The following SPATA13 variants were observed in gnomAD, a reference collection of about 807,000 sequenced individuals.
The protein encoded by SPATA13 is spermatogenesis associated 13.
SPATA13 carries 50 observed loss-of-function variants against 104.0 expected under a neutral mutation model. The ratio of observed to expected loss-of-function variants is 0.48; its 90% CI spans 0.38 to 0.61. The LOEUF (loss-of-function observed/expected upper bound fraction) is 0.61, where lower values mean the gene tolerates loss of function less well. Ranked by LOEUF, SPATA13 falls within the 20% of genes least tolerant of loss-of-function variation. SPATA13 has a pLI of 0.00. For missense variants in SPATA13, 1,524 were observed against 1,690.6 expected, an observed-to-expected ratio of 0.90 and a Z score of 1.73; for synonymous variants, 606 against 667.5, an observed-to-expected ratio of 0.91 and a Z score of 1.42.
At chr13:24,045,647 C>A (rs900707847) in intron 3 of SPATA13, among the ~76,000 whole-genome samples, 3 of 152,126 alleles carry the variant, frequency 2.0e-5, no homozygotes, top group Non-Finnish European at 4.4e-5. Flanking sequence ...CAAGGGAAGT[C>A]GAGAAGTTCA....
chr13:24,277,253 G>C (rs925998770), intron 4 of SPATA13, among the ~76,000 whole-genome samples: 22 of 151,960 alleles, frequency 1.4e-4, no homozygotes, highest in African/African-American at 5.1e-4. Context: ...GACCATCCTG[G>C]CTAACATGGT....
chr13:24,300,566 C>T, intron 12 of SPATA13, 91 bp downstream of exon 12: 3 of 1,186,082 alleles, frequency 2.5e-6, no homozygotes, highest in Non-Finnish European at 3.7e-6. Context: ...CTGTGACCAG[C>T]TTGGAGCAAG....
In SPATA13 at chr13:24,051,976, A is replaced by G. The variant is rs1439519351; in HGVS notation, c.-112+34275A>G. On this transcript the variant is annotated intron_variant, in intron 3 of 14. Transcript: ENST00000424834. The surrounding 1 kb of genome is among the most constrained non-coding windows in gnomAD (Gnocchi z 4.2). ...GTCCTGGCTCTGGTCCTCCCACCTCATCTGTGCACCTTGCCAGTCCTTTGG... is the reference window on the plus strand; with the variant it reads ...GTCCTGGCTCTGGTCCTCCCACCTCGTCTGTGCACCTTGCCAGTCCTTTGG... 2.6e-5 allele frequency among the ~76,000 whole-genome samples: 4 copies of G among 152,048 alleles called. No individual in the cohort carries two copies. Among genetic ancestry groups the G allele is most frequent in the African/African-American group, 9.7e-5 (4 of 41,402 alleles).
intron 2 of SPATA13, among the ~76,000 whole-genome samples, chr13:23,988,528 T>C (rs1451414626): frequency 2.0e-5 from 3 of 152,256 alleles, no homozygotes; most frequent in Admixed American, 2.0e-4. Context: ...ATTATTGATA[T>C]TGATTTGCTG....
At position 24,288,058 on chromosome 13, in the gene SPATA13, G is replaced by A. The variant is rs182149041; in HGVS notation, c.2668-941G>A. ...ATCTCGTTCTGTATGAGTGTGTGGC[G>A]AAAGAAGCAGGTCTGCAGTGCCATT... On this transcript the variant is annotated intron_variant, in intron 7 of 12. Coordinates refer to ENST00000382108, the MANE Select transcript of SPATA13 (RefSeq NM_001166271.3). Among the ~76,000 whole-genome samples, 107 of 152,326 alleles carry A rather than the reference G, an allele frequency of 7.0e-4. No homozygotes were observed. In the East Asian group the frequency reaches 9.1e-3, roughly 13 times the overall value.
At chr13:24,212,541 T>C (rs1871084063) in intron 1 of SPATA13, among the ~76,000 whole-genome samples, 1 of 152,168 alleles carries the variant, frequency 6.6e-6, no homozygotes, top group Admixed American at 6.5e-5. Flanking sequence ...AGAAGAACTA[T>C]TGGGACTTAG....
chr13:24,259,879 G>C (rs1873973682), intron 4 of SPATA13, among the ~76,000 whole-genome samples: 1 of 152,078 alleles, frequency 6.6e-6, no homozygotes, highest in Admixed American at 6.5e-5. Context: ...TCAAACTCCT[G>C]GCCTCCCACC....
At chr13:23,992,173 A>T (rs1212857883) in intron 2 of SPATA13, among the ~76,000 whole-genome samples, 3 of 152,084 alleles carry the variant, frequency 2.0e-5, no homozygotes, top group Non-Finnish European at 2.9e-5. Flanking sequence ...GAAAGTGGAG[A>T]ACTGCAGTCC....
intron 2 of SPATA13, 91 bp from the exon 3 acceptor site, chr13:24,249,386 C>G: frequency 7.1e-7 from 1 of 1,414,112 alleles, no homozygotes; most frequent in South Asian, 1.5e-5. Flanking sequence ...ACCCGAGGCA[C>G]GGCTGTGGTG....
intron 1 of SPATA13, among the ~76,000 whole-genome samples, chr13:24,190,865 TCTG>T (rs1282981881): frequency 1.3e-5 from 2 of 152,174 alleles, no homozygotes; most frequent in Non-Finnish European, 2.9e-5. Flanking sequence ...TTTTGAAGGT[TCTG>T]CTGTGGGTAA....
chr13:24,086,957 C>T (rs1879746063), intron 3 of SPATA13, among the ~76,000 whole-genome samples: 1 of 152,182 alleles, frequency 6.6e-6, no homozygotes, highest in South Asian at 2.1e-4. Context: ...CTAATCTGGG[C>T]TAAGAAGTGA....
At chr13:24,036,772 C>T (rs954355512) in intron 3 of SPATA13, among the ~76,000 whole-genome samples, 1 of 152,088 alleles carries the variant, frequency 6.6e-6, no homozygotes, top group South Asian at 2.1e-4. Context: ...ACGTTATTGT[C>T]GGTACCACTC....
chr13:24,065,868 T>C (rs942109), intron 3 of SPATA13, among the ~76,000 whole-genome samples: 136,512 of 152,266 alleles, frequency 0.9, 61,805 homozygotes, highest in South Asian at 0.98. Flanking sequence ...GAAGTCCAAA[T>C]ACTTGGGTTT....
chr13:24,168,665 A>G (rs1882840692), intron 1 of SPATA13, among the ~76,000 whole-genome samples: 2 of 152,208 alleles, frequency 1.3e-5, no homozygotes, highest in Non-Finnish European at 2.9e-5. Context: ...GTTTAGAAAT[A>G]CAGGCCTTCA....
intron 3 of SPATA13, among the ~76,000 whole-genome samples, chr13:24,033,082 C>G (rs1040945326): frequency 6.6e-6 from 1 of 152,136 alleles, no homozygotes; most frequent in African/African-American, 2.4e-5. Context: ...AGATCTGTCT[C>G]TCAGAGGCCT....
At chr13:24,249,281 A>G (rs1326507402) in intron 2 of SPATA13, among the ~76,000 whole-genome samples, 196 bp from the exon 3 acceptor site, 3 of 152,250 alleles carry the variant, frequency 2.0e-5, no homozygotes, top group Non-Finnish European at 4.4e-5. Flanking sequence ...GAATCAGCCT[A>G]TAAGAATAGA....
At chr13:24,146,932 AT>A (rs201482584) in intron 3 of SPATA13, among the ~76,000 whole-genome samples, 2 of 143,348 alleles carry the variant, frequency 1.4e-5, no homozygotes, top group African/African-American at 2.6e-5. Context: ...TTCAGGCATG[AT>A]TTTTTTTTCC....
chr13:24,304,780 G>A lies in SPATA13; in HGVS notation c.*2007G>A, dbSNP rs1002245090. ...GCTTCTGTGGACCATCATGCCGCTCGGCACGTCCTGAGACAGAAGTTGCTG... is the reference window on the plus strand; with the variant it reads ...GCTTCTGTGGACCATCATGCCGCTCAGCACGTCCTGAGACAGAAGTTGCTG... On this transcript the variant is annotated 3_prime_UTR_variant, in exon 13 of 13. Coordinates refer to ENST00000382108, the MANE Select transcript of SPATA13 (RefSeq NM_001166271.3). The A allele has an allele frequency of 4.6e-5, 7 of 152,250 alleles. No homozygotes were observed. Among genetic ancestry groups the A allele is most frequent in the African/African-American group, 1.4e-4 (6 of 41,458 alleles). The allele number at this position is 152,250 out of a possible 1,614,324, so 9.4% of individuals were successfully genotyped here. A position where few individuals can be genotyped will look rare whatever the true frequency, so the allele number is the denominator to read the frequency against.
At chr13:24,254,740 G>A (rs966632721) in intron 4 of SPATA13, among the ~76,000 whole-genome samples, 1 of 152,190 alleles carries the variant, frequency 6.6e-6, no homozygotes. Context: ...CTTTGTTGAG[G>A]GGAAGGCCCA....
Sources: gnomAD v4.1 joint callset for allele counts (sites outside exome capture counted in the v4.1 genomes callset) on GRCh38, gnomAD v4.1.1 for gene constraint, Gnocchi (gnomAD v3.1) non-coding constraint, MANE v1.5 for transcripts, NCBI Gene and HGNC (gene_info 2026-07-23, HGNC 2026-07-21) for gene names.